The following DCLK1 variants were observed in gnomAD, a reference collection of about 807,000 sequenced individuals.
DCLK1 encodes serine/threonine-protein kinase DCLK1.
DCLK1 carries 16 observed loss-of-function variants against 86.2 expected under a neutral mutation model. The observed-to-expected ratio is 0.19, with a 90% CI of 0.13 to 0.28. The LOEUF (loss-of-function observed/expected upper bound fraction) is 0.28. Among genes scored for constraint, DCLK1 ranks in the 10% least tolerant of loss-of-function variants. The probability of loss-of-function intolerance (pLI) is 1.00; values close to 1 mark genes in which losing one functional copy is unlikely to be tolerated. For synonymous variants in DCLK1, 369 were observed against 370.5 expected, an observed-to-expected ratio of 1.00 and a Z score of 0.05; for missense variants, 590 against 940.2, an observed-to-expected ratio of 0.63 and a Z score of 4.87.
intron 5 of DCLK1, among the ~76,000 whole-genome samples, chr13:35,866,969 G>A (rs1221250491): frequency 4.6e-5 from 7 of 152,162 alleles, no homozygotes; most frequent in African/African-American, 1.7e-4. Context: ...GGGTTTCCCT[G>A]ACATCCAGCA....
intron 6 of DCLK1, among the ~76,000 whole-genome samples, chr13:35,845,594 G>A (rs1020888582): frequency 6.6e-6 from 1 of 152,078 alleles, no homozygotes; most frequent in African/African-American, 2.4e-5. Flanking sequence ...ATGAGTTATC[G>A]ATATGTCTGA....
Position 36,094,767 on chromosome 13 carries a change from T to G in DCLK1, c.723+17102A>C, listed in dbSNP as rs570849245. Among the ~76,000 whole-genome samples, 21 of 152,242 alleles carry G rather than the reference T, an allele frequency of 1.4e-4. No homozygotes were observed. In the South Asian group the frequency reaches 4.1e-3, roughly 30 times the overall value. ...GAAGAGCCCTGGAGAGCATCTGCTG[T>G]GAAAGAAGAAACAATTTCGGGCCAG... On this transcript the variant is annotated intron_variant, in intron 3 of 16. Transcript: ENST00000360631.
At chr13:36,105,093 A>G (rs1885342679) in intron 3 of DCLK1, among the ~76,000 whole-genome samples, 1 of 152,168 alleles carries the variant, frequency 6.6e-6, no homozygotes. Context: ...ATTGAGATTC[A>G]GAGAGTTTAA....
At chr13:35,828,619 T>G (rs1411526727) in intron 8 of DCLK1, among the ~76,000 whole-genome samples, 1 of 152,196 alleles carries the variant, frequency 6.6e-6, no homozygotes, top group Non-Finnish European at 1.5e-5. Flanking sequence ...CCAAGTGTAC[T>G]TTCCTTCCTT....
intron 15 of DCLK1, among the ~76,000 whole-genome samples, chr13:35,797,920 G>A (rs965922174): frequency 6.6e-6 from 1 of 152,132 alleles, no homozygotes; most frequent in African/African-American, 2.4e-5. Flanking sequence ...AATAGATTAT[G>A]TGCCAAAAAT....
chr13:35,865,722 T>C (rs1844526584), intron 5 of DCLK1, among the ~76,000 whole-genome samples: 1 of 152,150 alleles, frequency 6.6e-6, no homozygotes, highest in South Asian at 2.1e-4. Flanking sequence ...CACCTAACAT[T>C]AATAAATCAC....
chr13:36,038,136 T>C (rs539480962), intron 3 of DCLK1, among the ~76,000 whole-genome samples: 2 of 152,328 alleles, frequency 1.3e-5, no homozygotes, highest in East Asian at 3.9e-4. Context: ...TCATCTTTGG[T>C]AGCTTTCTCA....
chr13:35,776,526 C>T (rs758965252), intron 16 of DCLK1, among the ~76,000 whole-genome samples: 3 of 152,130 alleles, frequency 2.0e-5, no homozygotes, highest in South Asian at 2.1e-4. Context: ...AGGGATTTTG[C>T]GTCCCACTCT....
At chr13:36,006,251 T>C (rs998331908) in intron 3 of DCLK1, among the ~76,000 whole-genome samples, 1 of 152,144 alleles carries the variant, frequency 6.6e-6, no homozygotes, top group Non-Finnish European at 1.5e-5. Context: ...AAAATGTGAA[T>C]GAAGACAAGC....
chr13:35,864,059 C>A (rs993524972), intron 5 of DCLK1, among the ~76,000 whole-genome samples: 1 of 152,146 alleles, frequency 6.6e-6, no homozygotes, highest in Non-Finnish European at 1.5e-5. Context: ...CAGCACCCAA[C>A]GTTGCCGGTC....
intron 4 of DCLK1, among the ~76,000 whole-genome samples, chr13:35,906,740 T>C (rs1874710275): frequency 6.6e-6 from 1 of 152,130 alleles, no homozygotes; most frequent in Admixed American, 6.5e-5. Context: ...TTATTAGCAA[T>C]ACAATGACAT....
intron 3 of DCLK1, among the ~76,000 whole-genome samples, chr13:36,046,856 G>A (rs1310277504): frequency 1.3e-5 from 2 of 152,232 alleles, no homozygotes; most frequent in African/African-American, 4.8e-5. Flanking sequence ...GGCCAAGTGA[G>A]TGAAGTCAGA....
At chr13:35,884,102 G>C (rs1873083972) in intron 4 of DCLK1, among the ~76,000 whole-genome samples, 1 of 151,544 alleles carries the variant, frequency 6.6e-6, no homozygotes, top group Non-Finnish European at 1.5e-5. Context: ...TGGATCCACA[G>C]ACCAGACAGC....
intron 3 of DCLK1, among the ~76,000 whole-genome samples, chr13:36,066,502 G>A (rs920172310): frequency 3.9e-5 from 6 of 152,146 alleles, no homozygotes; most frequent in African/African-American, 1.4e-4. Flanking sequence ...TAGAGGTGCT[G>A]TAATGAACTT....
At chr13:35,816,838 C>T (rs937990568) in intron 11 of DCLK1, among the ~76,000 whole-genome samples, 1 of 152,148 alleles carries the variant, frequency 6.6e-6, no homozygotes, top group African/African-American at 2.4e-5. Context: ...CTGCAAAACC[C>T]TGATGTGAAC....
intron 4 of DCLK1, among the ~76,000 whole-genome samples, chr13:35,901,948 G>A (rs1333750146): frequency 6.6e-6 from 1 of 152,106 alleles, no homozygotes; most frequent in Non-Finnish European, 1.5e-5. Flanking sequence ...ACTAAGTGAT[G>A]AGAGCCTAAG....
At chr13:35,953,881 G>A (rs182877754) in intron 3 of DCLK1, among the ~76,000 whole-genome samples, 3 of 152,208 alleles carry the variant, frequency 2.0e-5, no homozygotes, top group African/African-American at 7.2e-5. Context: ...CTGCAGCCCT[G>A]GATGCATTTG....
At chr13:36,054,077 C>T (rs950859745) in intron 3 of DCLK1, among the ~76,000 whole-genome samples, 20 of 152,072 alleles carry the variant, frequency 1.3e-4, no homozygotes, top group African/African-American at 4.3e-4. Flanking sequence ...ATTTGTGGGT[C>T]GAGCAAACAG....
intron 4 of DCLK1, among the ~76,000 whole-genome samples, chr13:35,873,504 C>T (rs1872417994): frequency 6.6e-6 from 1 of 151,874 alleles, no homozygotes; most frequent in Non-Finnish European, 1.5e-5. Context: ...CCTGCCTCAG[C>T]CTCCCAAGTA....
Sources: allele counts gnomAD v4.1 joint callset (sites outside exome capture counted in the v4.1 genomes callset), GRCh38; gene constraint gnomAD v4.1.1; transcripts MANE v1.5; gene names NCBI Gene and HGNC (gene_info 2026-07-23, HGNC 2026-07-21).